The following CRISP2 variants were observed in gnomAD, a reference collection of about 807,000 sequenced individuals.
CRISP2 encodes the protein cysteine-rich secretory protein 2.
CRISP2 carries 29 observed loss-of-function variants against 31.7 expected under a neutral mutation model. The ratio of observed to expected loss-of-function variants is 0.92; its 90% CI spans 0.68 to 1.25. CRISP2 has a LOEUF of 1.25. Among genes scored for constraint, CRISP2 ranks in the 50% most tolerant of loss-of-function variants. The probability of loss-of-function intolerance (pLI) is 0.00; values close to 1 mark genes in which losing one functional copy is unlikely to be tolerated. For synonymous variants in CRISP2, 111 were observed against 101.4 expected, an observed-to-expected ratio of 1.09 and a Z score of -0.57; for missense variants, 318 against 286.5, an observed-to-expected ratio of 1.11 and a Z score of -0.79.
At chr6:49,707,831 T>C (rs189664) in intron 4 of CRISP2, among the ~76,000 whole-genome samples, 83,188 of 151,970 alleles carry the variant, frequency 0.55, 23,016 homozygotes, top group Admixed American at 0.64. Context: ...ACACACTGCA[T>C]GTGAGCACTG....
chr6:49,680,930 C>G, the CRISP2 span, among the ~76,000 whole-genome samples: 1 of 152,254 alleles, frequency 6.6e-6, no homozygotes, highest in African/African-American at 2.4e-5. Flanking sequence ...AAAATTGTCA[C>G]CCATTATGTA....
At chr6:49,699,677 G>T in intron 6 of CRISP2, 127 bp downstream of exon 6, 1 of 655,732 alleles carries the variant, frequency 1.5e-6, no homozygotes, top group Non-Finnish European at 2.6e-6. Context: ...CAGATACTTT[G>T]ACTTCAAAAA....
At chr6:49,681,392 T>G in the CRISP2 span, among the ~76,000 whole-genome samples, 1 of 152,168 alleles carries the variant, frequency 6.6e-6, no homozygotes, top group African/African-American at 2.4e-5. Context: ...GCTGTTTTGG[T>G]TACTAAGCCC....
At chr6:49,701,721 A>G (rs1190611448) in intron 4 of CRISP2, among the ~76,000 whole-genome samples, 2 of 109,018 alleles carry the variant, frequency 1.8e-5, no homozygotes, top group Non-Finnish European at 3.5e-5. Flanking sequence ...TATATAATGT[A>G]TATATAATGT....
rs2127381132 is a variant in CRISP2, at chr6:49,692,699, AT to A, written c.*73del. 2 of 1,417,718 alleles carry A rather than the reference AT, an allele frequency of 1.4e-6. No homozygotes were observed. Among genetic ancestry groups the A allele is most frequent in the Non-Finnish European group, 1.9e-6 (2 of 1,048,700 alleles). The allele number at this position is 1,417,718 out of a possible 1,614,324, so 87.8% of individuals were successfully genotyped here. ...CAAATTTGTCACTAACATACATACA[AT>A]TTCCACTGGTATGTCGCAATTAAAT... is the stretch of plus-strand genomic sequence containing the variant. On this transcript the variant is annotated 3_prime_UTR_variant, in exon 10 of 10. Coordinates refer to ENST00000339139, the MANE Select transcript of CRISP2 (RefSeq NM_003296.4).
intron 4 of CRISP2, among the ~76,000 whole-genome samples, chr6:49,701,685 T>TTATATATGTATACATTATATATGTATACA (rs1765833526): frequency 4.2e-5 from 5 of 118,292 alleles, no homozygotes; most frequent in African/African-American, 1.4e-4. Context: ...TATGTATACA[T>TTATATATGTATACATTATATATGTATACA]TATATATGTA....
At chr6:49,713,666 C>T (rs1381895527), upstream of CRISP2, 1 of 152,248 alleles carries the variant, frequency 6.6e-6, no homozygotes, top group African/African-American at 2.4e-5. Context: ...ATCGCCCCCG[C>T]CTCCCCTACT....
the CRISP2 span, among the ~76,000 whole-genome samples, chr6:49,677,434 T>A: frequency 6.6e-6 from 1 of 152,180 alleles, no homozygotes; most frequent in Non-Finnish European, 1.5e-5. Flanking sequence ...TGGCTCTTAT[T>A]CCTTCCTCCC....
At chr6:49,696,463 TTAG>T (rs1463292838) in intron 8 of CRISP2, among the ~76,000 whole-genome samples, 2 of 151,172 alleles carry the variant, frequency 1.3e-5, no homozygotes, top group Non-Finnish European at 2.9e-5. Context: ...TTTTCAGTAG[TTAG>T]TGGTGTGTGT....
chr6:49,682,627 CTTTCT>C, the CRISP2 span, among the ~76,000 whole-genome samples: 2 of 76,614 alleles, frequency 2.6e-5, no homozygotes, highest in African/African-American at 6.9e-5. Context: ...TTCTTTCTTT[CTTTCT>C]TTCTTTCTTT....
Position 49,698,431 on chromosome 6 carries a change from G to C in CRISP2, c.348C>G (p.Asp116Glu). 1 of 1,613,378 alleles carries C rather than the reference G, an allele frequency of 6.2e-7. No individual in the cohort carries two copies. The highest frequency in any genetic ancestry group is 8.5e-7 in the Non-Finnish European group (1 of 1,179,620). The change falls in exon 7 of 10, where the codon GAC becomes GAG. Residue 116 changes from aspartate to glutamate, a missense_variant. Physicochemically the swap from Asp to Glu is conservative, Grantham distance 45. Coordinates refer to ENST00000339139, the MANE Select transcript of CRISP2 (RefSeq NM_003296.4). ...SWSSAIQSWY[D>E]EILDFVYGVG... is the part of the protein sequence containing the mutation. ...CACCATAGACAAAATCTAGGATCTC[G>C]TCATACCAGCTTTGGATTGCAGAAG...
chr6:49,700,602 A>G, intron 5 of CRISP2, 66 bp downstream of exon 5: 1 of 909,494 alleles, frequency 1.1e-6, no homozygotes, highest in Non-Finnish European at 1.8e-6. Flanking sequence ...AAGAGATGCC[A>G]GTGGCCAGCC....
At chr6:49,685,973 C>T in the CRISP2 span, among the ~76,000 whole-genome samples, 1 of 152,102 alleles carries the variant, frequency 6.6e-6, no homozygotes, top group East Asian at 1.9e-4. Flanking sequence ...CCATTGTCAT[C>T]CTCCAACCAG....
chr6:49,697,123 G>A (rs756859561), intron 8 of CRISP2, among the ~76,000 whole-genome samples: 5 of 152,100 alleles, frequency 3.3e-5, no homozygotes, highest in Non-Finnish European at 5.9e-5. Flanking sequence ...CCCCACCGCA[G>A]CCTCCAGTAG....
intron 5 of CRISP2, 114 bp from the exon 6 acceptor site, chr6:49,700,005 T>C (rs1367736227): frequency 1.2e-6 from 1 of 861,530 alleles, no homozygotes; most frequent in South Asian, 1.7e-5. Context: ...TCTCTAATAC[T>C]ACTGTTATTA....
upstream of CRISP2, among the ~76,000 whole-genome samples, chr6:49,713,841 A>G (rs933436010): frequency 5.3e-5 from 8 of 152,174 alleles, no homozygotes; most frequent in African/African-American, 1.9e-4. Flanking sequence ...TGGCTTGAAA[A>G]AGGAGGCGTT....
At chr6:49,678,848 G>A in the CRISP2 span, among the ~76,000 whole-genome samples, 1 of 152,070 alleles carries the variant, frequency 6.6e-6, no homozygotes, top group Non-Finnish European at 1.5e-5. Flanking sequence ...AACAAAGCAA[G>A]CATAAGAATG....
At chr6:49,704,010 T>G (rs1766559532) in intron 4 of CRISP2, among the ~76,000 whole-genome samples, 1 of 152,164 alleles carries the variant, frequency 6.6e-6, no homozygotes, top group Non-Finnish European at 1.5e-5. Flanking sequence ...CTTTGGTGAT[T>G]TAATGTAATC....
chr6:49,683,141 T>G, the CRISP2 span, among the ~76,000 whole-genome samples: 1 of 145,230 alleles, frequency 6.9e-6, no homozygotes, highest in Non-Finnish European at 1.5e-5. Flanking sequence ...CTGGGCGACA[T>G]GAGTGAAACT....
Sources: gnomAD v4.1 joint callset for allele counts (sites outside exome capture counted in the v4.1 genomes callset) on GRCh38, gnomAD v4.1.1 for gene constraint, MANE v1.5 for transcripts, NCBI Gene and HGNC (gene_info 2026-07-23, HGNC 2026-07-21) for gene names.